TRPM6: variants seen among roughly 807,000 people sequenced by gnomAD.
The protein encoded by TRPM6 is channel kinase 2.
Under a neutral mutation model 247.6 loss-of-function variants are expected in TRPM6, and 111 were observed. The ratio of observed to expected loss-of-function variants is 0.45; its 90% CI spans 0.38 to 0.52. The LOEUF (loss-of-function observed/expected upper bound fraction) is 0.52. Ranked by LOEUF, TRPM6 falls within the 20% of genes least tolerant of loss-of-function variation. The pLI is 0.00. For missense variants in TRPM6, 2,126 were observed against 2,421.5 expected (o/e 0.88, Z 2.56); for synonymous variants, 892 against 853.8 (o/e 1.04, Z -0.78).
At position 74,800,497 on chromosome 9, in the gene TRPM6, G is replaced by T; in HGVS notation, c.2010-15C>A. ...GGCCAAACTGTCTGCCATGAGGGTG[G>T]CCAATTAAGAAAACAAAGGCAGGTG... On this transcript the variant is annotated splice_polypyrimidine_tract_variant and intron_variant, in intron 16 of 38. Coordinates refer to ENST00000360774, the MANE Select transcript of TRPM6 (RefSeq NM_017662.5). 1.2e-6 allele frequency: 2 copies of T among 1,600,406 alleles called. No individual in the cohort carries two copies. Among genetic ancestry groups the T allele is most frequent in the Admixed American group, 1.7e-5 (1 of 59,956 alleles).
intron 18 of TRPM6, among the ~76,000 whole-genome samples, chr9:74,793,700 T>G (rs142969657): frequency 3.3e-5 from 5 of 152,228 alleles, no homozygotes; most frequent in Admixed American, 6.5e-5. Context: ...TGACCTTCGA[T>G]AGCATCCCCA....
intron 1 of TRPM6, among the ~76,000 whole-genome samples, chr9:74,879,380 G>C (rs933283925): frequency 2.0e-5 from 3 of 150,966 alleles, no homozygotes; most frequent in Non-Finnish European, 4.4e-5. Context: ...TATATATAAA[G>C]GAACCATGGA....
Position 74,750,739 on chromosome 9 carries a change from G to T in TRPM6, c.4999-17C>A, listed in dbSNP as rs749092786. On this transcript the variant is annotated splice_polypyrimidine_tract_variant and intron_variant, in intron 29 of 38. Transcript: ENST00000360774. ...GCTGAGATCCTGAGCAGAAGGGAAA[G>T]GCCGTTACGTGTGTGCTCAACATAG... 13 of 1,613,604 alleles carry T rather than the reference G, an allele frequency of 8.1e-6. No individual in the cohort carries two copies. Among genetic ancestry groups the T allele is most frequent in the Non-Finnish European group, 1.1e-5 (13 of 1,179,580 alleles).
At chr9:74,749,395 C>A (rs1826163122) in intron 30 of TRPM6, among the ~76,000 whole-genome samples, 1 of 152,156 alleles carries the variant, frequency 6.6e-6, no homozygotes, top group Non-Finnish European at 1.5e-5. Context: ...AATTGAAAAG[C>A]AGTTGTTGTT....
At chr9:74,807,399 C>T (rs1286614368) in intron 14 of TRPM6, among the ~76,000 whole-genome samples, 1 of 152,206 alleles carries the variant, frequency 6.6e-6, no homozygotes. Context: ...ATCCTCCCCT[C>T]ATCTTCTAAT....
At chr9:74,739,244 A>T in intron 35 of TRPM6, 123 bp downstream of exon 35, 1 of 976,242 alleles carries the variant, frequency 1.0e-6, no homozygotes, top group Non-Finnish European at 1.6e-6. Context: ...TGGAAGGAAG[A>T]ATCCAAAAAT....
At chr9:74,837,046 C>T (rs1829747512) in intron 5 of TRPM6, among the ~76,000 whole-genome samples, 1 of 152,180 alleles carries the variant, frequency 6.6e-6, no homozygotes, top group Non-Finnish European at 1.5e-5. Context: ...CTGTCACAGC[C>T]CAACCCATCA....
At chr9:74,819,080 G>C (rs886672645) in intron 9 of TRPM6, among the ~76,000 whole-genome samples, 56 of 152,282 alleles carry the variant, frequency 3.7e-4, no homozygotes, top group African/African-American at 1.3e-3. Flanking sequence ...GGCCGAGACA[G>C]GCAGATCGCT....
intron 16 of TRPM6, among the ~76,000 whole-genome samples, chr9:74,801,524 T>C (rs1023168113): frequency 2.6e-5 from 4 of 152,198 alleles, no homozygotes; most frequent in African/African-American, 7.2e-5. Flanking sequence ...TTTTCCCACC[T>C]GAGAGATACT....
In TRPM6 at chr9:74,853,001, G is replaced by A. The variant is rs1028040447; in HGVS notation, c.152+2526C>T. 3.3e-5 allele frequency among the ~76,000 whole-genome samples: 5 copies of A among 152,074 alleles called. No individual in the cohort carries two copies. In the East Asian group the frequency reaches 5.8e-4, roughly 18 times the overall value. On this transcript the variant is annotated intron_variant, in intron 3 of 38. Coordinates refer to ENST00000360774, the MANE Select transcript of TRPM6 (RefSeq NM_017662.5). ...TCTGCCTGGCCGCCCAGTCTGGGAA[G>A]TGAGGAGCGTCTCTGCCCGGCCCCC...
intron 1 of TRPM6, among the ~76,000 whole-genome samples, chr9:74,872,601 T>TGTGTGTGC (rs1831060946): frequency 6.6e-4 from 1 of 1,518 alleles, no homozygotes; most frequent in Non-Finnish European, 6.7e-3. Flanking sequence ...CAGCAAATTT[T>TGTGTGTGC]GTGTGTGTGT....
intron 28 of TRPM6, among the ~76,000 whole-genome samples, chr9:74,754,660 T>C (rs1294403461): frequency 6.6e-6 from 1 of 152,218 alleles, no homozygotes; most frequent in Non-Finnish European, 1.5e-5. Flanking sequence ...AAACTTAGTA[T>C]TTTAAATATT....
At chr9:74,730,339 A>T (rs961754212) in intron 37 of TRPM6, among the ~76,000 whole-genome samples, 2 of 152,218 alleles carry the variant, frequency 1.3e-5, no homozygotes, top group African/African-American at 4.8e-5. Flanking sequence ...AAGGTTAGGG[A>T]AAGTTAAGAG....
chr9:74,725,191 C>G (rs934488833), intron 38 of TRPM6, among the ~76,000 whole-genome samples: 19 of 152,036 alleles, frequency 1.2e-4, no homozygotes, highest in Non-Finnish European at 1.9e-4. Flanking sequence ...AAGCTCCATC[C>G]AGTTATCAGA....
chr9:74,800,759 A>G lies in TRPM6; in HGVS notation c.2010-277T>C, dbSNP rs577843253. 4.2e-4 allele frequency among the ~76,000 whole-genome samples: 64 copies of G among 152,164 alleles called. 1 individual carries two copies. The highest frequency in any genetic ancestry group is 1.4e-3 in the African/African-American group (58 of 41,510). ...AACAGAACTAGGAGGTTTACATTGT[A>G]GCATACAGAATTTAATTTACACCTG... On this transcript the variant is annotated intron_variant, in intron 16 of 38. Transcript: ENST00000360774.
At chr9:74,821,612 T>C in intron 8 of TRPM6, 57 bp downstream of exon 8, 1 of 1,598,044 alleles carries the variant, frequency 6.3e-7, no homozygotes, top group South Asian at 1.1e-5. Flanking sequence ...CCAAAAGAAC[T>C]AAAATGGAGG....
chr9:74,780,908 G>A (rs1205443882), intron 23 of TRPM6, among the ~76,000 whole-genome samples: 1 of 152,200 alleles, frequency 6.6e-6, no homozygotes, highest in East Asian at 1.9e-4. Context: ...CTTCCTCACA[G>A]ATTTGGGAAA....
intron 1 of TRPM6, chr9:74,887,149 G>T (rs1057416044): frequency 1.2e-4 from 104 of 856,224 alleles, no homozygotes; most frequent in Non-Finnish European, 1.6e-4. Flanking sequence ...GTGGAGAGGA[G>T]CCAGCGGGGA....
chr9:74,748,000 T>C (rs1826110131), intron 30 of TRPM6, 86 bp from the exon 31 acceptor site: 2 of 1,184,080 alleles, frequency 1.7e-6, no homozygotes, highest in South Asian at 1.3e-5. Flanking sequence ...CATGGAACAG[T>C]AACAACACAA....
Sources: allele counts gnomAD v4.1 joint callset (sites outside exome capture counted in the v4.1 genomes callset), GRCh38; gene constraint gnomAD v4.1.1; transcripts MANE v1.5; gene names NCBI Gene and HGNC (gene_info 2026-07-23, HGNC 2026-07-21).